The following ROBO2 variants were observed in gnomAD, a reference collection of about 807,000 sequenced individuals.
ROBO2 encodes roundabout guidance receptor 2, also known as roundabout homolog 2.
A neutral mutation model predicts 160.8 loss-of-function variants in ROBO2; 53 were observed. That is an observed-to-expected ratio of 0.33 (90% CI 0.26 to 0.41). The LOEUF is 0.41. ROBO2 is among the 10% of genes least tolerant of loss of function. ROBO2 has a pLI of 1.00. For synonymous variants in ROBO2, 664 were observed against 611.7 expected (o/e 1.09, Z -1.26); for missense variants, 1,577 against 1,722.4 (o/e 0.92, Z 1.49).
At chr3:76,946,981 ATAT>A (rs2078592547) in intron 2 of ROBO2, among the ~76,000 whole-genome samples, 1 of 152,086 alleles carries the variant, frequency 6.6e-6, no homozygotes, top group African/African-American at 2.4e-5. Context: ...ATTCTTGTGT[ATAT>A]TTAGTCTAAC....
chr3:77,382,843 A>T (rs903339451), intron 2 of ROBO2, among the ~76,000 whole-genome samples: 1 of 152,170 alleles, frequency 6.6e-6, no homozygotes, highest in Admixed American at 6.5e-5. Flanking sequence ...GGTTGCTTCC[A>T]TATCTTTGGA....
At chr3:76,008,924 A>C (rs2066111157) in intron 2 of ROBO2, among the ~76,000 whole-genome samples, 1 of 152,144 alleles carries the variant, frequency 6.6e-6, no homozygotes, top group Admixed American at 6.5e-5. Context: ...TGGGGAGTAG[A>C]CAGTCATGAG....
chr3:76,727,870 A>G (rs1232279106), intron 2 of ROBO2, among the ~76,000 whole-genome samples: 1 of 152,160 alleles, frequency 6.6e-6, no homozygotes, highest in African/African-American at 2.4e-5. Flanking sequence ...ACAACAATGT[A>G]TGGTATATTT....
chr3:77,277,747 G>T (rs1469670143), intron 2 of ROBO2, among the ~76,000 whole-genome samples: 1 of 152,118 alleles, frequency 6.6e-6, no homozygotes, highest in Non-Finnish European at 1.5e-5. Context: ...GTTGTGAATA[G>T]TGCTGCAATG....
chr3:76,587,676 G>T (rs2086139274), intron 2 of ROBO2, among the ~76,000 whole-genome samples: 1 of 152,164 alleles, frequency 6.6e-6, no homozygotes, highest in South Asian at 2.1e-4. Flanking sequence ...GATGAGATTT[G>T]GGTGGGGACA....
intron 2 of ROBO2, among the ~76,000 whole-genome samples, chr3:76,545,771 T>G (rs1330841802): frequency 6.6e-6 from 1 of 151,982 alleles, no homozygotes; most frequent in African/African-American, 2.4e-5. Flanking sequence ...AAAGTGTAGT[T>G]TTATTCTAAA....
intron 2 of ROBO2, among the ~76,000 whole-genome samples, chr3:76,736,936 T>G (rs2107962719): frequency 6.6e-6 from 1 of 152,316 alleles, no homozygotes; most frequent in African/African-American, 2.4e-5. Context: ...AAAAGAATGA[T>G]AATATTTCAT....
intron 2 of ROBO2, among the ~76,000 whole-genome samples, chr3:77,464,817 T>A (rs1282825699): frequency 6.6e-6 from 1 of 152,208 alleles, no homozygotes; most frequent in African/African-American, 2.4e-5. Flanking sequence ...CTTCAGTGAT[T>A]GGTTCTCCAG....
chr3:77,077,294 G>A (rs189531910), intron 1 of ROBO2, among the ~76,000 whole-genome samples: 9 of 152,182 alleles, frequency 5.9e-5, no homozygotes, highest in African/African-American at 1.2e-4. Flanking sequence ...AATTATAGCC[G>A]TATTAATAAT....
chr3:76,951,432 A>G (rs1432321129), intron 2 of ROBO2, among the ~76,000 whole-genome samples: 1 of 152,226 alleles, frequency 6.6e-6, no homozygotes, highest in Non-Finnish European at 1.5e-5. Flanking sequence ...AATGTATTTG[A>G]AATTAGATTT....
At chr3:76,646,494 A>G (rs115583319) in intron 2 of ROBO2, among the ~76,000 whole-genome samples, 407 of 152,294 alleles carry the variant, frequency 2.7e-3, no homozygotes, top group Admixed American at 8.3e-3. Context: ...AGAGCTACTT[A>G]ATTTCTGTAA....
At chr3:77,477,830 C>CTTTTTTTTTTTTT (rs11371687) in intron 3 of ROBO2, among the ~76,000 whole-genome samples, 3 of 84,470 alleles carry the variant, frequency 3.6e-5, no homozygotes, top group African/African-American at 4.8e-5. Context: ...TATTTTAGCT[C>CTTTTTTTTTTTTT]TTTTTTTTTT....
At chr3:76,656,239 A>G (rs1177349541) in intron 2 of ROBO2, among the ~76,000 whole-genome samples, 1 of 152,218 alleles carries the variant, frequency 6.6e-6, no homozygotes, top group African/African-American at 2.4e-5. Context: ...AGTACCTGTC[A>G]GTAACTGAAA....
intron 2 of ROBO2, among the ~76,000 whole-genome samples, chr3:76,551,077 A>C (rs2083388486): frequency 6.6e-6 from 1 of 152,116 alleles, no homozygotes. Context: ...TTGGTGGCCC[A>C]GAGTGAGAAC....
At chr3:77,353,925 A>G (rs2068697415) in intron 2 of ROBO2, among the ~76,000 whole-genome samples, 1 of 152,216 alleles carries the variant, frequency 6.6e-6, no homozygotes, top group African/African-American at 2.4e-5. Flanking sequence ...AGAATAGAAA[A>G]TGTGTAAATG....
intron 2 of ROBO2, among the ~76,000 whole-genome samples, chr3:76,537,934 C>G (rs2082600373): frequency 6.6e-6 from 1 of 151,928 alleles, no homozygotes; most frequent in Non-Finnish European, 1.5e-5. Context: ...GAAGAATGTC[C>G]CAGGGTCAAC....
At chr3:77,458,762 A>G (rs773060446) in intron 2 of ROBO2, among the ~76,000 whole-genome samples, 55 of 152,192 alleles carry the variant, frequency 3.6e-4, no homozygotes, top group Non-Finnish European at 6.3e-4. Context: ...TGAAGACCTT[A>G]GTTACAAAGC....
chr3:77,006,954 A>G (rs2149444025), intron 2 of ROBO2, among the ~76,000 whole-genome samples: 1 of 152,278 alleles, frequency 6.6e-6, no homozygotes, highest in Non-Finnish European at 1.5e-5. Flanking sequence ...GTAAAAGGTT[A>G]AAAATAATTT....
intron 2 of ROBO2, among the ~76,000 whole-genome samples, chr3:77,373,211 A>T (rs2153478542): frequency 6.7e-6 from 1 of 148,270 alleles, no homozygotes; most frequent in Admixed American, 6.7e-5. Context: ...TAATAAAATA[A>T]TTAAAATATT....
Sources: allele counts gnomAD v4.1 joint callset (sites outside exome capture counted in the v4.1 genomes callset), GRCh38; gene constraint gnomAD v4.1.1; transcripts MANE v1.5; gene names NCBI Gene and HGNC (gene_info 2026-07-23, HGNC 2026-07-21).